RPS6KA5: variants seen among roughly 807,000 people sequenced by gnomAD.
RPS6KA5 encodes the protein ribosomal protein S6 kinase alpha-5.
Under a neutral mutation model 85.5 loss-of-function variants are expected in RPS6KA5, and 27 were observed. The ratio of observed to expected loss-of-function variants is 0.32; its 90% confidence interval spans 0.23 to 0.44. The LOEUF (loss-of-function observed/expected upper bound fraction) is 0.44. Among genes scored for constraint, RPS6KA5 ranks in the 20% least tolerant of loss-of-function variants. The probability of loss-of-function intolerance (pLI) is 1.00; values close to 1 mark genes in which losing one functional copy is unlikely to be tolerated. For missense variants in RPS6KA5, 811 were observed against 980.9 expected, an observed-to-expected ratio of 0.83 and a Z score of 2.31; for synonymous variants, 334 against 348.2, an observed-to-expected ratio of 0.96 and a Z score of 0.46.
intron 7 of RPS6KA5, among the ~76,000 whole-genome samples, chr14:90,914,468 C>A (rs967530485): frequency 6.6e-6 from 1 of 152,016 alleles, no homozygotes; most frequent in African/African-American, 2.4e-5. Flanking sequence ...GCACCCATCA[C>A]CATGCCCAGC....
At chr14:90,878,247 C>G (rs902826797) in intron 14 of RPS6KA5, among the ~76,000 whole-genome samples, 2 of 152,116 alleles carry the variant, frequency 1.3e-5, no homozygotes, top group Non-Finnish European at 2.9e-5. Flanking sequence ...GAGTAAGAAC[C>G]CTTTAAGAAC....
intron 7 of RPS6KA5, among the ~76,000 whole-genome samples, chr14:90,911,824 T>C (rs1008475311): frequency 1.3e-5 from 2 of 152,212 alleles, no homozygotes; most frequent in Non-Finnish European, 1.5e-5. Flanking sequence ...CGTGTTATTA[T>C]TGACTCTTTA....
At chr14:91,021,403 G>C (rs1172225220) in intron 1 of RPS6KA5, among the ~76,000 whole-genome samples, 1 of 152,084 alleles carries the variant, frequency 6.6e-6, no homozygotes, top group Non-Finnish European at 1.5e-5. Context: ...CACTTTGGGA[G>C]GCTGAAGCAG....
rs1417411326 is a variant in RPS6KA5, at chr14:90,853,421, A to C, written c.*18653T>G. The C allele has an allele frequency of 6.6e-6, 1 of 152,198 alleles. No homozygotes were observed. Among genetic ancestry groups the C allele is most frequent in the African/African-American group, 2.4e-5 (1 of 41,466 alleles). The allele number at this position is 152,198 out of a possible 1,614,324, so 9.4% of individuals were successfully genotyped here. Reference sequence around the variant, plus strand: ...TGGCTAATAAAAAAGTAAGCATCACATTTATGATGTCTAGATAAAAGTCAA... The same window carrying C: ...TGGCTAATAAAAAAGTAAGCATCACCTTTATGATGTCTAGATAAAAGTCAA... On this transcript the variant is annotated 3_prime_UTR_variant, in exon 17 of 17. Transcript: ENST00000614987.
At chr14:90,880,984 G>A (rs1194472160) in intron 14 of RPS6KA5, among the ~76,000 whole-genome samples, 1 of 151,820 alleles carries the variant, frequency 6.6e-6, no homozygotes, top group African/African-American at 2.4e-5. Flanking sequence ...ACAGGCACAT[G>A]CTACTACATC....
In RPS6KA5 at chr14:90,867,962, A is replaced by G. The variant is rs1432717900; in HGVS notation, c.*4112T>C. The G allele has an allele frequency of 6.6e-6, 1 of 152,206 alleles. No homozygotes were observed. Among genetic ancestry groups the G allele is most frequent in the East Asian group, 1.9e-4 (1 of 5,202 alleles). 9.4% of individuals were successfully genotyped at this position (152,206 alleles called of 1,614,324 possible). On this transcript the variant is annotated 3_prime_UTR_variant, in exon 17 of 17. Coordinates refer to ENST00000614987, the MANE Select transcript of RPS6KA5 (RefSeq NM_004755.4). ...ACAAAGAAAAGGGCTCAGAAGAAATATCTTGAAAAGTAAGCAATATAGAAG... is the reference window on the plus strand; with the variant it reads ...ACAAAGAAAAGGGCTCAGAAGAAATGTCTTGAAAAGTAAGCAATATAGAAG...
chr14:91,034,753 C>T (rs1281177858), intron 1 of RPS6KA5, among the ~76,000 whole-genome samples: 1 of 152,144 alleles, frequency 6.6e-6, no homozygotes, highest in Non-Finnish European at 1.5e-5. Context: ...TATGCACCAC[C>T]TTTAAGAGGT....
chr14:90,924,897 T>C (rs1678589077), intron 5 of RPS6KA5, among the ~76,000 whole-genome samples: 1 of 152,230 alleles, frequency 6.6e-6, no homozygotes, highest in Non-Finnish European at 1.5e-5. Flanking sequence ...CTAGCTTTTA[T>C]TTGCCAATGT....
At chr14:91,054,205 T>C (rs555458970) in intron 1 of RPS6KA5, among the ~76,000 whole-genome samples, 1 of 152,152 alleles carries the variant, frequency 6.6e-6, no homozygotes, top group South Asian at 2.1e-4. Context: ...AATGGATCAA[T>C]GATCTAAATG....
chr14:91,005,455 G>A (rs2040977280), intron 1 of RPS6KA5, among the ~76,000 whole-genome samples: 1 of 152,072 alleles, frequency 6.6e-6, no homozygotes, highest in African/African-American at 2.4e-5. Flanking sequence ...ACATCTACTG[G>A]CAAAGTAAGT....
chr14:91,014,291 A>G (rs2041386658), intron 1 of RPS6KA5, among the ~76,000 whole-genome samples: 2 of 152,150 alleles, frequency 1.3e-5, no homozygotes. Context: ...TCACGAGGTC[A>G]AGAGGTCGAG....
intron 14 of RPS6KA5, among the ~76,000 whole-genome samples, chr14:90,880,777 T>C (rs2033785308): frequency 6.6e-6 from 1 of 152,142 alleles, no homozygotes; most frequent in Non-Finnish European, 1.5e-5. Context: ...TCCTGTTGAA[T>C]TGGATATTTT....
chr14:90,978,577 G>A, intron 2 of RPS6KA5, 53 bp from the exon 3 acceptor site: 23 of 1,352,422 alleles, frequency 1.7e-5, no homozygotes, highest in South Asian at 6.1e-5. Flanking sequence ...CAGGCAAAAT[G>A]GTAATTTAGT....
Position 90,869,253 on chromosome 14 carries a change from C to T in RPS6KA5, c.*2821G>A, listed in dbSNP as rs2032948471. On this transcript the variant is annotated 3_prime_UTR_variant, in exon 17 of 17. Transcript: ENST00000614987. ...TGTTGCCCAGGTTGGTCTCTAACTC[C>T]TGGTTTCAAGTGATTCTCCAGTCTT... The T allele has an allele frequency of 6.6e-6, 1 of 152,144 alleles. No individual in the cohort carries two copies. Among genetic ancestry groups the T allele is most frequent in the Admixed American group, 6.5e-5 (1 of 15,268 alleles). The allele number at this position is 152,144 out of a possible 1,614,324, so 9.4% of individuals were successfully genotyped here. A position where few individuals can be genotyped will look rare whatever the true frequency, so the allele number is the denominator to read the frequency against.
At position 90,962,420 on chromosome 14, in the gene RPS6KA5, C is replaced by T. The variant is rs976442517; in HGVS notation, c.395-14870G>A. On this transcript the variant is annotated intron_variant, in intron 3 of 16. Coordinates refer to ENST00000614987, the MANE Select transcript of RPS6KA5 (RefSeq NM_004755.4). The stretch of plus-strand genomic sequence containing the variant: ...CTGGGCTCAAATGATCCTCCTGCCT[C>T]AGCCTCCCAAGTAGCTGGGACTATA... 3.3e-5 allele frequency among the ~76,000 whole-genome samples: 5 copies of T among 151,910 alleles called. No homozygotes were observed. In the East Asian group the frequency reaches 7.8e-4, roughly 24 times the overall value.
intron 8 of RPS6KA5, among the ~76,000 whole-genome samples, chr14:90,905,407 T>C (rs1170822968): frequency 2.0e-5 from 3 of 152,216 alleles, no homozygotes; most frequent in Non-Finnish European, 4.4e-5. Context: ...TGAAGTTATT[T>C]AAAAGTCATA....
At chr14:90,882,600 A>G (rs77583770) in intron 14 of RPS6KA5, among the ~76,000 whole-genome samples, 123 of 152,210 alleles carry the variant, frequency 8.1e-4, no homozygotes, top group African/African-American at 2.8e-3. Flanking sequence ...CTTCTTACGG[A>G]TCTAGAAATA....
intron 3 of RPS6KA5, among the ~76,000 whole-genome samples, chr14:90,950,523 G>A (rs2038117952): frequency 6.6e-6 from 1 of 152,142 alleles, no homozygotes; most frequent in Admixed American, 6.5e-5. Flanking sequence ...GTTGGCTCTT[G>A]GTTTTTCCAT....
At chr14:91,050,965 T>C (rs879067970) in intron 1 of RPS6KA5, among the ~76,000 whole-genome samples, 2 of 152,166 alleles carry the variant, frequency 1.3e-5, no homozygotes, top group Non-Finnish European at 2.9e-5. Context: ...TGGTGGCTCA[T>C]GTCTGTAATT....
Sources: allele counts gnomAD v4.1 joint callset (sites outside exome capture counted in the v4.1 genomes callset), GRCh38; gene constraint gnomAD v4.1.1; transcripts MANE v1.5; gene names NCBI Gene and HGNC (gene_info 2026-07-23, HGNC 2026-07-21).